Variants in TNRC6C observed in about 807,000 individuals in gnomAD.
TNRC6C encodes trinucleotide repeat-containing gene 6C protein.
In TNRC6C, 20 loss-of-function variants were observed where a neutral mutation model predicts 153.7. The observed-to-expected ratio is 0.13, with a 90% CI of 0.09 to 0.19. TNRC6C has a LOEUF of 0.19. TNRC6C is among the 10% of genes least tolerant of loss of function. The pLI is 1.00. For missense variants in TNRC6C, 1,987 were observed against 2,172.0 expected (o/e 0.91, Z 1.69); for synonymous variants, 811 against 841.4 (o/e 0.96, Z 0.63).
intron 16 of TNRC6C, 66 bp from the exon 19 acceptor site, chr17:78,097,679 C>A: frequency 8.6e-7 from 1 of 1,162,726 alleles, no homozygotes; most frequent in Non-Finnish European, 1.2e-6. Context: ...TTCTCACACC[C>A]CACAGTTAGA....
intron 3 of TNRC6C, among the ~76,000 whole-genome samples, chr17:78,062,601 A>T (rs16970784): frequency 0.24 from 36,707 of 152,180 alleles, 5,280 homozygotes; most frequent in African/African-American, 0.41. Flanking sequence ...AGCTGTCAAC[A>T]TATCAACAGT....
chr17:77,958,818 C>T (rs1490822218), upstream of TNRC6C, among the ~76,000 whole-genome samples: 1 of 147,288 alleles, frequency 6.8e-6, no homozygotes, highest in African/African-American at 2.5e-5. Context: ...CCGCCCGGGC[C>T]GCCCCCTGAC....
intron 2 of TNRC6C, among the ~76,000 whole-genome samples, chr17:78,041,937 G>A (rs989099279): frequency 6.6e-6 from 1 of 152,214 alleles, no homozygotes; most frequent in African/African-American, 2.4e-5. Flanking sequence ...ACACCTCTGA[G>A]TAAATCTTGT....
intron 1 of TNRC6C, among the ~76,000 whole-genome samples, chr17:77,967,629 T>G (rs1027713573): frequency 1.3e-5 from 2 of 152,182 alleles, no homozygotes; most frequent in Non-Finnish European, 2.9e-5. Context: ...TCCTGAGGCC[T>G]CTGGGCACTG....
chr17:78,091,326 C>CAAAAA, intron 13 of TNRC6C, 114 bp from the exon 16 acceptor site: 5 of 1,050,520 alleles, frequency 4.8e-6, no homozygotes, highest in South Asian at 2.7e-5. Context: ...GACTCCGTCT[C>CAAAAA]AAAAAAAAAA....
chr17:77,985,601 C>CAGAAAAAAAAAAAAAAA (rs2071153039), intron 1 of TNRC6C, among the ~76,000 whole-genome samples: 2 of 96,246 alleles, frequency 2.1e-5, no homozygotes, highest in African/African-American at 8.4e-5. Flanking sequence ...GACTCCGTCT[C>CAGAAAAAAAAAAAAAAA]AAAAAAAAAA....
chr17:78,061,483 C>T (rs2072766903), intron 3 of TNRC6C, among the ~76,000 whole-genome samples: 1 of 152,218 alleles, frequency 6.6e-6, no homozygotes, highest in South Asian at 2.1e-4. Flanking sequence ...GTTAGGATGG[C>T]ATTGTAGGTA....
At chr17:78,086,255 G>A (rs993193103) in intron 11 of TNRC6C, among the ~76,000 whole-genome samples, 10 of 144,476 alleles carry the variant, frequency 6.9e-5, no homozygotes, top group Admixed American at 2.9e-4. Context: ...GCTTGAACCC[G>A]GGAGGCAGAG....
chr17:78,038,698 AGT>A (rs2072231514), intron 2 of TNRC6C, among the ~76,000 whole-genome samples: 1 of 150,264 alleles, frequency 6.7e-6, no homozygotes, highest in Admixed American at 6.6e-5. Flanking sequence ...AAAAAAAAAA[AGT>A]ATTTCCTTGT....
intron 1 of TNRC6C, among the ~76,000 whole-genome samples, chr17:77,968,248 G>A (rs1176133622): frequency 6.6e-6 from 1 of 151,950 alleles, no homozygotes; most frequent in Non-Finnish European, 1.5e-5. Context: ...TGGCCAGGCT[G>A]GTCTCAAACT....
intron 14 of TNRC6C, 141 bp from the exon 17 acceptor site, chr17:78,092,792 C>T (rs1282234983): frequency 3.2e-6 from 2 of 618,810 alleles, no homozygotes; most frequent in African/African-American, 3.7e-5. Flanking sequence ...CTAGACAGAC[C>T]AAGTCTTACA....
At chr17:77,961,443 A>T (rs1308846983) in intron 1 of TNRC6C, among the ~76,000 whole-genome samples, 1 of 152,226 alleles carries the variant, frequency 6.6e-6, no homozygotes, top group African/African-American at 2.4e-5. Context: ...GGCGTGAGCC[A>T]CCACGCTCGG....
intron 3 of TNRC6C, among the ~76,000 whole-genome samples, chr17:78,060,571 C>G (rs1170552914): frequency 1.3e-5 from 2 of 149,650 alleles, no homozygotes; most frequent in Admixed American, 1.3e-4. Context: ...CTCCCAGGGT[C>G]AAGCAATTCT....
exon 20 of TNRC6C, chr17:78,108,662 C>T (rs1277846111): frequency 6.5e-6 from 1 of 154,738 alleles, no homozygotes; most frequent in Non-Finnish European, 1.5e-5. Context: ...TAAGCTAAAG[C>T]CCTGTGTAGG....
chr17:78,049,205 C>A lies in TNRC6C; in HGVS notation c.143C>A (p.Ala48Glu). The change falls in exon 3 of 20, where the codon GCG (alanine) becomes GAG (glutamate). Residue 48 changes from alanine to glutamate, a missense_variant. By Grantham distance (107) the Ala-to-Glu change is moderately radical (BLOSUM62 -1). This residue lies in a region of TNRC6C where 1,052 missense variants were observed against 1,017.0 expected (regional missense o/e 1.03). Coordinates refer to ENST00000301624, the Ensembl canonical transcript of TNRC6C. This position sits in a 1 kb window ranked among gnomAD's most constrained non-coding sequence, Gnocchi z 4.1. ...GGGGGAGCGAACAGTAATGGAAGTGCGGCCAGAGTGTGGGGTGTAGCCACA... is the reference window on the plus strand; with the variant it reads ...GGGGGAGCGAACAGTAATGGAAGTGAGGCCAGAGTGTGGGGTGTAGCCACA... The A allele has an allele frequency of 1.9e-6, 3 of 1,612,978 alleles. No homozygotes were observed. Among genetic ancestry groups the A allele is most frequent in the Non-Finnish European group, 2.5e-6 (3 of 1,179,390 alleles).
intron 1 of TNRC6C, among the ~76,000 whole-genome samples, chr17:77,981,266 C>T (rs1032080443): frequency 1.3e-5 from 2 of 152,202 alleles, no homozygotes; most frequent in African/African-American, 4.8e-5. Context: ...ATGAGAACTT[C>T]ATTATGAAGG....
intron 2 of TNRC6C, among the ~76,000 whole-genome samples, chr17:78,039,916 T>C (rs998843213): frequency 3.9e-5 from 6 of 151,918 alleles, no homozygotes; most frequent in Admixed American, 2.6e-4. Flanking sequence ...GTAGGCAGGG[T>C]TTTCAGATTT....
At chr17:77,984,819 C>T (rs1424148419) in intron 1 of TNRC6C, among the ~76,000 whole-genome samples, 1 of 149,710 alleles carries the variant, frequency 6.7e-6, no homozygotes, top group Non-Finnish European at 1.5e-5. Context: ...AGTTCTTAGC[C>T]TCTTATACGC....
chr17:77,974,967 A>G (rs2070977179), intron 1 of TNRC6C, among the ~76,000 whole-genome samples: 1 of 152,232 alleles, frequency 6.6e-6, no homozygotes. Flanking sequence ...TGCAAAACAA[A>G]TTTGTAAACA....
Sources: gnomAD v4.1 joint callset for allele counts (sites outside exome capture counted in the v4.1 genomes callset) on GRCh38, gnomAD v4.1.1 for gene constraint, gnomAD v4.1.1 regional missense constraint, Gnocchi (gnomAD v3.1) non-coding constraint, MANE v1.5 for transcripts, NCBI Gene and HGNC (gene_info 2026-07-23, HGNC 2026-07-21) for gene names.